STX11: variants seen among roughly 807,000 people sequenced by gnomAD.
The protein encoded by STX11 is syntaxin 11.
STX11 carries 21 observed loss-of-function variants against 19.9 expected under a neutral mutation model. The observed-to-expected ratio is 1.06, with a 90% CI of 0.75 to 1.52. STX11 has a LOEUF of 1.52. Among genes scored for constraint, STX11 ranks in the 40% most tolerant of loss-of-function variants. STX11 has a pLI of 0.00. For synonymous variants in STX11, 193 were observed against 174.4 expected (o/e 1.11, Z -0.84); for missense variants, 438 against 405.9 (o/e 1.08, Z -0.68).
chr6:144,168,479 A>G (rs138533949), intron 1 of STX11, among the ~76,000 whole-genome samples: 22 of 152,342 alleles, frequency 1.4e-4, no homozygotes, highest in African/African-American at 4.6e-4. Context: ...TCAGCAGTCA[A>G]TGAATGAAGA....
chr6:144,150,565 G>C lies in STX11; in HGVS notation c.-144G>C. The C allele has an allele frequency of 4.1e-6, 4 of 985,442 alleles. No individual in the cohort carries two copies. Among genetic ancestry groups the C allele is most frequent in the Non-Finnish European group, 4.8e-6 (4 of 829,958 alleles). 61.0% of individuals were successfully genotyped at this position (985,442 alleles called of 1,614,324 possible). On this transcript the variant is annotated 5_prime_UTR_variant, in exon 1 of 2. Transcript: ENST00000367568. ...GCTCGGGCGGCCGTGGAGGAACTCA[G>C]CCTCGGCCGCAGGAGGCGCCGGGAG...
intron 1 of STX11, among the ~76,000 whole-genome samples, chr6:144,158,696 A>G (rs1387158750): frequency 6.6e-6 from 1 of 152,218 alleles, no homozygotes; most frequent in Non-Finnish European, 1.5e-5. Flanking sequence ...TAAAACTTTA[A>G]TAATTGTCTA....
rs1445408013 is a variant in STX11 at position 144,167,096 on chromosome 6, T to G, written c.-6+16393T>G. ...AGGATTGGTTCTTCTGAACACTGTC[T>G]CTTAAGTGTTGGCAACCTTCTGGTA... On this transcript the variant is annotated intron_variant, in intron 1 of 1. Coordinates refer to ENST00000367568, the MANE Select transcript of STX11 (RefSeq NM_003764.4). This position sits in a 1 kb window ranked among gnomAD's most constrained non-coding sequence, Gnocchi z 5.0. Among the ~76,000 whole-genome samples, 1 of 152,228 alleles carries G rather than the reference T, an allele frequency of 6.6e-6. No individual in the cohort carries two copies. The highest frequency in any genetic ancestry group is 2.4e-5 in the African/African-American group (1 of 41,460).
chr6:144,150,725 C>T (rs945673947), intron 1 of STX11, 22 bp downstream of exon 1: 17 of 984,486 alleles, frequency 1.7e-5, no homozygotes, highest in Non-Finnish European at 2.0e-5. Context: ...TCTTCCTGAG[C>T]CCCCATTTCT....
At position 144,189,924 on chromosome 6, in the gene STX11, T is replaced by C. The variant is rs935312573; in HGVS notation, c.*2433T>C. On this transcript the variant is annotated 3_prime_UTR_variant, in exon 2 of 2. Coordinates refer to ENST00000367568, the MANE Select transcript of STX11 (RefSeq NM_003764.4). ...TATAATAGAGGAGAGATATTGTAAA[T>C]AGAGACTGCCAGCCAGTTTCCACAA... 5.3e-5 allele frequency among the ~76,000 whole-genome samples: 8 copies of C among 152,178 alleles called. No homozygotes were observed. The highest frequency in any genetic ancestry group is 1.3e-4 in the Admixed American group (2 of 15,280).
rs765127827 is a variant in STX11, at chr6:144,186,955, C to G, written c.328C>G (p.Leu110Val). The G allele has an allele frequency of 2.5e-6, 4 of 1,609,236 alleles. No homozygotes were observed. Among genetic ancestry groups the G allele is most frequent in the South Asian group, 1.1e-5 (1 of 91,066 alleles). Residue 110 changes from leucine (L) to valine (V), a missense_variant, in exon 2 of 2, where the codon CTG becomes GTG. Leu to Val is a conservative substitution (Grantham distance 32). Transcript: ENST00000367568. Reference sequence around the variant, plus strand: ...CTGCAAGCTGCGCGCCATGAAGGAGCTGAGCGAGGCGGCTGAGGCCCAGCA... The same window carrying G: ...CTGCAAGCTGCGCGCCATGAAGGAGGTGAGCGAGGCGGCTGAGGCCCAGCA... ...IHCKLRAMKE[L>V]SEAAEAQHGP... is the part of the protein sequence containing the mutation.
the STX11 span, among the ~76,000 whole-genome samples, chr6:144,142,109 T>C: frequency 6.1e-4 from 92 of 151,748 alleles, 1 homozygote; most frequent in Non-Finnish European, 1.1e-3. Flanking sequence ...CAGGAGGCTA[T>C]AGGGTTCAGT....
rs935211932 is a variant in STX11 at position 144,170,070 on chromosome 6, G to T, written c.-5-16553G>T. 1.2e-4 allele frequency among the ~76,000 whole-genome samples: 19 copies of T among 152,106 alleles called. No homozygotes were observed. Among genetic ancestry groups the T allele is most frequent in the African/African-American group, 4.6e-4 (19 of 41,416 alleles). Reference sequence around the variant, plus strand: ...TTGTTTCTTCAGGTCATATAAGGTGGTCATTCCAACACCATATTTTTCTGT... The same window carrying T: ...TTGTTTCTTCAGGTCATATAAGGTGTTCATTCCAACACCATATTTTTCTGT... On this transcript the variant is annotated intron_variant, in intron 1 of 1. Coordinates refer to ENST00000367568, the MANE Select transcript of STX11 (RefSeq NM_003764.4). This position sits in a 1 kb window ranked among gnomAD's most constrained non-coding sequence, Gnocchi z 4.7.
Position 144,170,168 on chromosome 6 carries a change from T to TA in STX11, c.-5-16454dup, listed in dbSNP as rs1200963389. On this transcript the variant is annotated intron_variant, in intron 1 of 1. Coordinates refer to ENST00000367568, the MANE Select transcript of STX11 (RefSeq NM_003764.4). The surrounding 1 kb of genome is among the most constrained non-coding windows in gnomAD (Gnocchi z 4.7). Reference sequence around the variant, plus strand: ...CGCTTCCCCTTTTTCTTGTCACTGTTACTCATAGAAGTATCTGCAGGCCTT... The same window carrying TA: ...CGCTTCCCCTTTTTCTTGTCACTGTTAACTCATAGAAGTATCTGCAGGCCTT... 2.6e-5 allele frequency among the ~76,000 whole-genome samples: 4 copies of TA among 152,232 alleles called. No individual in the cohort carries two copies. The highest frequency in any genetic ancestry group is 9.6e-5 in the African/African-American group (4 of 41,456).
At position 144,162,210 on chromosome 6, in the gene STX11, G is replaced by A. The variant is rs1005179284; in HGVS notation, c.-6+11507G>A. Among the ~76,000 whole-genome samples the A allele has an allele frequency of 2.0e-5, 3 of 152,236 alleles. No homozygotes were observed. Among genetic ancestry groups the A allele is most frequent in the Admixed American group, 6.5e-5 (1 of 15,292 alleles). On this transcript the variant is annotated intron_variant, in intron 1 of 1. Transcript: ENST00000367568. The surrounding 1 kb of genome is among the most constrained non-coding windows in gnomAD (Gnocchi z 4.6). ...CAACTTGTTATTACCCCACCATCACGCCCTTTCCCGTAGATACTCGGCCTT... is the reference window on the plus strand; with the variant it reads ...CAACTTGTTATTACCCCACCATCACACCCTTTCCCGTAGATACTCGGCCTT...
At position 144,190,583 on chromosome 6, in the gene STX11, C is replaced by CT. The variant is rs558797705; in HGVS notation, c.*3104dup. Among the ~76,000 whole-genome samples the CT allele has an allele frequency of 0.022, 3,108 of 142,980 alleles. 64 individuals are homozygous for CT. The highest frequency in any genetic ancestry group is 0.054 in the African/African-American group (2,102 of 39,238). The allele number at this position is 142,980 out of a possible 152,430, so 93.8% of individuals were successfully genotyped here. On this transcript the variant is annotated 3_prime_UTR_variant, in exon 2 of 2. Coordinates refer to ENST00000367568, the MANE Select transcript of STX11 (RefSeq NM_003764.4). ...ACCCCATCTTCTGTGAATATTAGGGCTTTTTTTTTTTTGACAGTCATAAAG... is the reference window on the plus strand; with the variant it reads ...ACCCCATCTTCTGTGAATATTAGGGCTTTTTTTTTTTTTGACAGTCATAAAG...
rs527278192 is a variant in STX11 at position 144,187,060 on chromosome 6, G to C, written c.433G>C (p.Asp145His). Residue 145 changes from aspartate to histidine, a missense_variant, in exon 2 of 2, where the codon GAC (aspartate) becomes CAC (histidine). Coordinates refer to ENST00000367568, the MANE Select transcript of STX11 (RefSeq NM_003764.4). The surrounding 1 kb of genome is among the most constrained non-coding windows in gnomAD (Gnocchi z 5.6). ...LTLTFQRAMH[D>H]YNQAEMKQRD... The stretch of plus-strand genomic sequence containing the variant: ...CCTCACCTTCCAGCGCGCCATGCAC[G>C]ACTACAACCAGGCCGAGATGAAGCA... 17 of 1,613,318 alleles carry C rather than the reference G, an allele frequency of 1.1e-5. No individual in the cohort carries two copies. In the African/African-American group the frequency reaches 1.7e-4, roughly 16 times the overall value.
At chr6:144,157,863 C>G (rs1339538094) in intron 1 of STX11, among the ~76,000 whole-genome samples, 2 of 152,018 alleles carry the variant, frequency 1.3e-5, no homozygotes, top group African/African-American at 2.4e-5. Context: ...TAGGGTTCCC[C>G]CCGCTCTCTC....
intron 1 of STX11, among the ~76,000 whole-genome samples, chr6:144,163,550 T>C (rs1801400364): frequency 6.6e-6 from 1 of 152,170 alleles, no homozygotes; most frequent in Admixed American, 6.5e-5. Context: ...CAATCTCAGC[T>C]CACTGCAACC....
chr6:144,188,525 A>G lies in STX11; in HGVS notation c.*1034A>G, dbSNP rs1042024901. On this transcript the variant is annotated 3_prime_UTR_variant, in exon 2 of 2. Coordinates refer to ENST00000367568, the MANE Select transcript of STX11 (RefSeq NM_003764.4). ...GTAGAAAATGTATACGGAGCTAGAG[A>G]CAACTAACATTCTTGGAAATACTGC... 5.9e-5 allele frequency among the ~76,000 whole-genome samples: 9 copies of G among 152,312 alleles called. No individual in the cohort carries two copies. The East Asian group carries it at 1.7e-3, about 29-fold the overall frequency.
rs1195536477 is a variant in STX11, at chr6:144,183,609, G to A, written c.-5-3014G>A. On this transcript the variant is annotated intron_variant, in intron 1 of 1. Coordinates refer to ENST00000367568, the MANE Select transcript of STX11 (RefSeq NM_003764.4). This position sits in a 1 kb window ranked among gnomAD's most constrained non-coding sequence, Gnocchi z 4.6. ...TTGCAAAAACAAAGACACCACAGGAGTTTTAAATTAGACTTTTTTTTAATC... is the reference window on the plus strand; with the variant it reads ...TTGCAAAAACAAAGACACCACAGGAATTTTAAATTAGACTTTTTTTTAATC... Among the ~76,000 whole-genome samples the A allele has an allele frequency of 1.3e-5, 2 of 152,062 alleles. No individual in the cohort carries two copies.
At chr6:144,173,011 C>T (rs1216019817) in intron 1 of STX11, among the ~76,000 whole-genome samples, 2 of 152,204 alleles carry the variant, frequency 1.3e-5, no homozygotes, top group East Asian at 3.9e-4. Flanking sequence ...TAGGACCCAG[C>T]TCTGCTTTTC....
chr6:144,140,082 C>T, the STX11 span, among the ~76,000 whole-genome samples: 2 of 151,280 alleles, frequency 1.3e-5, no homozygotes, highest in East Asian at 1.9e-4. Flanking sequence ...CATCCGTCAG[C>T]TTCTGCAAGG....
chr6:144,186,124 T>A (rs1446013649), intron 1 of STX11, among the ~76,000 whole-genome samples: 1 of 135,494 alleles, frequency 7.4e-6, no homozygotes, highest in Non-Finnish European at 1.5e-5. Context: ...AAAGAGATGG[T>A]TTCCCAATGC....
Sources: allele counts gnomAD v4.1 joint callset (sites outside exome capture counted in the v4.1 genomes callset), GRCh38; gene constraint gnomAD v4.1.1; non-coding constraint Gnocchi (gnomAD v3.1); transcripts MANE v1.5; gene names NCBI Gene and HGNC (gene_info 2026-07-23, HGNC 2026-07-21).